The following IL1RAPL1 variants were observed in gnomAD, a reference collection of about 807,000 sequenced individuals.
IL1RAPL1 encodes the protein interleukin 1 receptor accessory protein like 1.
IL1RAPL1 carries 3 observed loss-of-function variants against 48.4 expected under a neutral mutation model. The ratio of observed to expected loss-of-function variants is 0.06; its 90% CI spans 0.03 to 0.16. The LOEUF (loss-of-function observed/expected upper bound fraction) is 0.16. IL1RAPL1 is among the 10% of genes least tolerant of loss of function. The probability of loss-of-function intolerance (pLI) is 1.00; values close to 1 mark genes in which losing one functional copy is unlikely to be tolerated. For synonymous variants in IL1RAPL1, 185 were observed against 187.7 expected, an observed-to-expected ratio of 0.99 and a Z score of 0.12; for missense variants, 349 against 530.6, an observed-to-expected ratio of 0.66 and a Z score of 3.36.
intron 5 of IL1RAPL1, among the ~76,000 whole-genome samples, chrX:29,601,677 A>G (rs1923723710): frequency 8.9e-6 from 1 of 112,517 alleles, no homozygotes; most frequent in South Asian, 3.6e-4. Context: ...AGGAGTCTTA[A>G]AAAAATGAGA....
chrX:28,941,383 A>G (rs1000883773), intron 2 of IL1RAPL1, among the ~76,000 whole-genome samples: 1 of 111,198 alleles, frequency 9.0e-6, no homozygotes, highest in Non-Finnish European at 1.9e-5. Flanking sequence ...GTAAATAAAA[A>G]GAAATTTATG....
At chrX:29,399,933 T>C (rs774746236) in intron 5 of IL1RAPL1, among the ~76,000 whole-genome samples, 1 of 112,382 alleles carries the variant, frequency 8.9e-6, no homozygotes, top group East Asian at 2.8e-4. Context: ...TTGGAAACAT[T>C]TCCTAGAGTG....
chrX:28,959,174 G>T (rs1286006450), intron 2 of IL1RAPL1, among the ~76,000 whole-genome samples: 1 of 92,932 alleles, frequency 1.1e-5, no homozygotes, highest in African/African-American at 4.2e-5. Context: ...ACTTTATTGT[G>T]TATCTAATTT....
At chrX:29,004,340 A>G (rs1202228970) in intron 2 of IL1RAPL1, among the ~76,000 whole-genome samples, 1 of 112,545 alleles carries the variant, frequency 8.9e-6, no homozygotes, top group African/African-American at 3.2e-5. Flanking sequence ...CTAACAAAGT[A>G]GAAAGAGACA....
At chrX:29,439,851 G>GTTTTTTTTTTT (rs760458968) in intron 5 of IL1RAPL1, among the ~76,000 whole-genome samples, 2 of 59,861 alleles carry the variant, frequency 3.3e-5, no homozygotes, top group Non-Finnish European at 5.8e-5. Flanking sequence ...TGTTTGTTTG[G>GTTTTTTTTTTT]TTTTTTTTTT....
At chrX:29,932,089 TTGTC>T (rs1932957016) in intron 8 of IL1RAPL1, among the ~76,000 whole-genome samples, 1 of 112,328 alleles carries the variant, frequency 8.9e-6, no homozygotes, top group South Asian at 3.7e-4. Flanking sequence ...TCTTCCTTCT[TTGTC>T]TGTCTTCTCC....
chrX:29,871,740 T>C (rs937158599), intron 6 of IL1RAPL1, among the ~76,000 whole-genome samples: 6 of 111,666 alleles, frequency 5.4e-5, no homozygotes, highest in Non-Finnish European at 9.4e-5. Flanking sequence ...TTTCTTTTTT[T>C]TGAGATGGAG....
At chrX:29,676,131 C>G (rs773062115) in intron 6 of IL1RAPL1, among the ~76,000 whole-genome samples, 7 of 111,726 alleles carry the variant, frequency 6.3e-5, no homozygotes, top group Middle Eastern at 4.6e-3. Context: ...TGACCTTGAA[C>G]AACCAGCTTT....
chrX:28,732,385 T>A (rs921057997), intron 1 of IL1RAPL1, among the ~76,000 whole-genome samples: 4 of 111,935 alleles, frequency 3.6e-5, no homozygotes, highest in Non-Finnish European at 1.9e-5. Flanking sequence ...ACGAACATTC[T>A]GAAAGAGTTG....
intron 2 of IL1RAPL1, among the ~76,000 whole-genome samples, chrX:29,109,869 T>A (rs1296273980): frequency 8.9e-6 from 1 of 111,942 alleles, no homozygotes; most frequent in Non-Finnish European, 1.9e-5. Context: ...GGAAAAATAA[T>A]TTCCAATATT....
chrX:29,236,158 C>T (rs1397213416), intron 2 of IL1RAPL1, among the ~76,000 whole-genome samples: 1 of 112,442 alleles, frequency 8.9e-6, no homozygotes, highest in Non-Finnish European at 1.9e-5. Context: ...TGGAGACATA[C>T]TAATACTTCG....
chrX:28,847,083 C>T (rs1921527965), intron 2 of IL1RAPL1, among the ~76,000 whole-genome samples: 1 of 111,570 alleles, frequency 9.0e-6, no homozygotes, highest in Admixed American at 9.5e-5. Context: ...CAAACAAATT[C>T]CTTACTTTTT....
chrX:29,503,481 C>T (rs1008659613), intron 5 of IL1RAPL1, among the ~76,000 whole-genome samples: 2 of 111,180 alleles, frequency 1.8e-5, no homozygotes, highest in Non-Finnish European at 3.8e-5. Flanking sequence ...TTGATATAGG[C>T]ACTTATTACT....
intron 3 of IL1RAPL1, among the ~76,000 whole-genome samples, chrX:29,355,384 A>G (rs1382442288): frequency 8.9e-6 from 1 of 112,126 alleles, no homozygotes; most frequent in Non-Finnish European, 1.9e-5. Context: ...AGTAGACTAT[A>G]TAACTACTAA....
chrX:29,514,691 C>T (rs1017233196), intron 5 of IL1RAPL1, among the ~76,000 whole-genome samples: 9 of 112,556 alleles, frequency 8.0e-5, no homozygotes, highest in Non-Finnish European at 1.3e-4. Flanking sequence ...TTGAGTGATC[C>T]GCCTGCCTTG....
At chrX:29,051,719 T>C (rs1455323570) in intron 2 of IL1RAPL1, among the ~76,000 whole-genome samples, 2 of 112,014 alleles carry the variant, frequency 1.8e-5, no homozygotes, top group East Asian at 5.6e-4. Flanking sequence ...CATTCAGACG[T>C]ATGTGAAATA....
intron 2 of IL1RAPL1, among the ~76,000 whole-genome samples, chrX:29,038,102 G>A (rs930507408): frequency 1.8e-5 from 2 of 110,956 alleles, no homozygotes; most frequent in Non-Finnish European, 3.8e-5. Context: ...GGGTCCTTTC[G>A]CAGAGGGGCA....
rs1450111075 is a variant in IL1RAPL1, at chrX:29,955,234, C to A, written c.1505C>A (p.Thr502Asn). The change falls in exon 11 of 11, where the codon ACT (threonine) becomes AAT (asparagine). Residue 502 changes from threonine to asparagine, a missense_variant. By Grantham distance (65) the Thr-to-Asn change is moderately conservative. Around this residue, in one of 3 missense-constraint regions of IL1RAPL1, gnomAD observed 46 missense variants for 113.3 expected, o/e 0.41. Coordinates refer to ENST00000378993, the MANE Select transcript of IL1RAPL1 (RefSeq NM_014271.4). ...ACCAGACTTCGAAATATGCTTGTGA[C>A]TGGAGAAATTAAAGTGATTCTAATT... ...LETRLRNMLV[T>N]GEIKVILIEC... 1 of 1,210,689 alleles carries A rather than the reference C, an allele frequency of 8.3e-7. No individual in the cohort carries two copies. Among genetic ancestry groups the A allele is most frequent in the Non-Finnish European group, 1.1e-6 (1 of 894,942 alleles).
At chrX:28,641,096 G>A (rs1308937390) in intron 1 of IL1RAPL1, among the ~76,000 whole-genome samples, 1 of 108,758 alleles carries the variant, frequency 9.2e-6, no homozygotes, top group African/African-American at 3.4e-5. Flanking sequence ...TTAAGTACTG[G>A]GATACATGTG....
Sources: allele counts gnomAD v4.1 joint callset (sites outside exome capture counted in the v4.1 genomes callset), GRCh38; gene constraint gnomAD v4.1.1; regional missense constraint gnomAD v4.1.1; transcripts MANE v1.5; gene names NCBI Gene and HGNC (gene_info 2026-07-23, HGNC 2026-07-21).